The following RNGTT variants were observed in gnomAD, a reference collection of about 807,000 sequenced individuals.
The protein encoded by RNGTT is RNA guanylyltransferase and 5'-phosphatase, also known as mRNA-capping enzyme.
In RNGTT, 33 loss-of-function variants were observed where a neutral mutation model predicts 79.3. The ratio of observed to expected loss-of-function variants is 0.42; its 90% CI spans 0.32 to 0.56. The LOEUF (loss-of-function observed/expected upper bound fraction) is 0.56. Among genes scored for constraint, RNGTT ranks in the 20% least tolerant of loss-of-function variants. RNGTT has a pLI of 0.17. For missense variants in RNGTT, 497 were observed against 739.1 expected (o/e 0.67, Z 3.80); for synonymous variants, 222 against 235.9 (o/e 0.94, Z 0.54).
chr6:88,915,004 A>G (rs573903668), intron 4 of RNGTT, among the ~76,000 whole-genome samples: 1 of 152,342 alleles, frequency 6.6e-6, no homozygotes, highest in East Asian at 1.9e-4. Context: ...CAAGTGGCCC[A>G]ACAAGAATGA....
At chr6:88,736,863 A>ACTT (rs1777305199) in intron 13 of RNGTT, among the ~76,000 whole-genome samples, 1 of 152,196 alleles carries the variant, frequency 6.6e-6, no homozygotes, top group Non-Finnish European at 1.5e-5. Context: ...TTCAAGAAAA[A>ACTT]GTAACAACAC....
intron 14 of RNGTT, among the ~76,000 whole-genome samples, chr6:88,647,715 A>AAAAAAAGAAG (rs531898293): frequency 7.0e-6 from 1 of 142,446 alleles, no homozygotes; most frequent in African/African-American, 3.0e-5. Context: ...AAAAAAAAAA[A>AAAAAAAGAAG]AAGAAGAAGA....
chr6:88,753,221 C>T (rs945658426), intron 13 of RNGTT, among the ~76,000 whole-genome samples: 5 of 152,072 alleles, frequency 3.3e-5, no homozygotes, highest in African/African-American at 9.7e-5. Flanking sequence ...TCCTTACCAA[C>T]ATAATCTAAG....
chr6:88,951,199 A>G (rs1785236226), intron 1 of RNGTT, among the ~76,000 whole-genome samples: 1 of 152,158 alleles, frequency 6.6e-6, no homozygotes, highest in Non-Finnish European at 1.5e-5. Context: ...AGACGTGACC[A>G]AATTGCTGCA....
At chr6:88,631,400 C>T (rs1322582268) in intron 14 of RNGTT, among the ~76,000 whole-genome samples, 1 of 152,208 alleles carries the variant, frequency 6.6e-6, no homozygotes, top group Non-Finnish European at 1.5e-5. Context: ...CAGAATCCCT[C>T]TGGTATTTGA....
At chr6:88,948,838 G>A (rs1785127032) in intron 1 of RNGTT, among the ~76,000 whole-genome samples, 1 of 93,772 alleles carries the variant, frequency 1.1e-5, no homozygotes, top group African/African-American at 4.2e-5. Flanking sequence ...TCTGAAACAT[G>A]TGCTGTGTCC....
At chr6:88,916,917 A>T (rs1448326192) in intron 4 of RNGTT, among the ~76,000 whole-genome samples, 1 of 152,222 alleles carries the variant, frequency 6.6e-6, no homozygotes, top group Non-Finnish European at 1.5e-5. Context: ...AATCCTGCCC[A>T]AAGGTAAAAA....
chr6:88,633,309 A>T (rs773346294), intron 14 of RNGTT, among the ~76,000 whole-genome samples: 2 of 152,194 alleles, frequency 1.3e-5, no homozygotes, highest in African/African-American at 2.4e-5. Context: ...AATTATAGAA[A>T]TGACATCAGA....
chr6:88,781,880 T>C (rs1422240900), intron 12 of RNGTT, among the ~76,000 whole-genome samples: 2 of 152,066 alleles, frequency 1.3e-5, no homozygotes, highest in Non-Finnish European at 2.9e-5. Flanking sequence ...ATTCCACCAA[T>C]TATCTCTATT....
intron 13 of RNGTT, among the ~76,000 whole-genome samples, chr6:88,701,592 A>G (rs918656345): frequency 6.6e-5 from 10 of 152,004 alleles, no homozygotes; most frequent in Non-Finnish European, 1.2e-4. Context: ...TTTATATTAC[A>G]TTGCTTTTCT....
chr6:88,931,479 CCTTT>C (rs1441811795), intron 2 of RNGTT, among the ~76,000 whole-genome samples: 4 of 152,144 alleles, frequency 2.6e-5, no homozygotes, highest in Non-Finnish European at 5.9e-5. Flanking sequence ...ATGATACCAA[CCTTT>C]TTTTGTGGAT....
At chr6:88,715,475 C>T (rs1372782635) in intron 13 of RNGTT, among the ~76,000 whole-genome samples, 2 of 152,072 alleles carry the variant, frequency 1.3e-5, no homozygotes, top group Admixed American at 1.3e-4. Flanking sequence ...CTTTAAAGTT[C>T]ATATGGAACC....
At chr6:88,677,357 T>C (rs554314559) in intron 14 of RNGTT, among the ~76,000 whole-genome samples, 2 of 151,802 alleles carry the variant, frequency 1.3e-5, no homozygotes, top group South Asian at 4.2e-4. Context: ...TCTGAAGTGA[T>C]GAATGTTAAT....
At position 88,844,526 on chromosome 6, in the gene RNGTT, A is replaced by G. The variant is rs1287084980; in HGVS notation, c.1105-5T>C. The G allele has an allele frequency of 1.3e-6, 2 of 1,594,136 alleles. No individual in the cohort carries two copies. The highest frequency in any genetic ancestry group is 1.7e-6 in the Non-Finnish European group (2 of 1,174,142). On this transcript the variant is annotated splice_polypyrimidine_tract_variant and splice_region_variant and intron_variant, in intron 10 of 15. Coordinates refer to ENST00000369485, the MANE Select transcript of RNGTT (RefSeq NM_003800.5). Reference sequence around the variant, plus strand: ...ACAATCTCCAACGGGCTGTGACTGAATTAAATAAAGAATTAGTTAAATTTC... The same window carrying G: ...ACAATCTCCAACGGGCTGTGACTGAGTTAAATAAAGAATTAGTTAAATTTC...
At chr6:88,644,049 C>A (rs1020361604) in intron 14 of RNGTT, among the ~76,000 whole-genome samples, 1 of 152,072 alleles carries the variant, frequency 6.6e-6, no homozygotes, top group Non-Finnish European at 1.5e-5. Flanking sequence ...TCAAAAAAAT[C>A]AATGAATCCA....
chr6:88,622,750 G>A (rs549908928), intron 14 of RNGTT, among the ~76,000 whole-genome samples: 11 of 152,134 alleles, frequency 7.2e-5, no homozygotes. Flanking sequence ...ACTCCCAAAT[G>A]TTCTTTCTTG....
At chr6:88,925,393 C>A (rs927495693) in intron 4 of RNGTT, among the ~76,000 whole-genome samples, 3 of 151,382 alleles carry the variant, frequency 2.0e-5, no homozygotes, top group South Asian at 2.1e-4. Context: ...GAGTTCAAGA[C>A]CAGCCTAGGC....
At chr6:88,785,496 A>T (rs1019382004) in intron 12 of RNGTT, among the ~76,000 whole-genome samples, 10 of 152,294 alleles carry the variant, frequency 6.6e-5, no homozygotes, top group South Asian at 4.1e-4. Context: ...ACAAGGAAAA[A>T]AAAATAAAAT....
intron 14 of RNGTT, among the ~76,000 whole-genome samples, 181 bp from the exon 15 acceptor site, chr6:88,614,576 T>G (rs1224029225): frequency 1.3e-5 from 2 of 152,224 alleles, no homozygotes; most frequent in Admixed American, 1.3e-4. Context: ...CTTGTACACA[T>G]GCTCACTTAT....
Sources: gnomAD v4.1 joint callset for allele counts (sites outside exome capture counted in the v4.1 genomes callset) on GRCh38, gnomAD v4.1.1 for gene constraint, MANE v1.5 for transcripts, NCBI Gene and HGNC (gene_info 2026-07-23, HGNC 2026-07-21) for gene names.